DEPDC5: variants seen among roughly 807,000 people sequenced by gnomAD.
DEPDC5 encodes GATOR1 complex protein DEPDC5.
Under a neutral mutation model 217.3 loss-of-function variants are expected in DEPDC5, and 73 were observed. The ratio of observed to expected loss-of-function variants is 0.34; its 90% CI spans 0.28 to 0.41. DEPDC5 has a LOEUF of 0.41. DEPDC5 is among the 10% of genes least tolerant of loss of function. The probability of loss-of-function intolerance (pLI) is 1.00; values close to 1 mark genes in which losing one functional copy is unlikely to be tolerated. For synonymous variants in DEPDC5, 733 were observed against 756.7 expected, an observed-to-expected ratio of 0.97 and a Z score of 0.51; for missense variants, 1,675 against 2,070.1, an observed-to-expected ratio of 0.81 and a Z score of 3.70.
At chr22:31,808,406 G>A (rs531835447) in intron 18 of DEPDC5, among the ~76,000 whole-genome samples, 1 of 151,858 alleles carries the variant, frequency 6.6e-6, no homozygotes, top group South Asian at 2.1e-4. Context: ...GATTACAGGT[G>A]TGCGCCACCA....
chr22:31,852,022 C>G (rs2092053954), intron 31 of DEPDC5, among the ~76,000 whole-genome samples: 1 of 152,088 alleles, frequency 6.6e-6, no homozygotes, highest in Non-Finnish European at 1.5e-5. Flanking sequence ...GAGACCCCAT[C>G]TCTACAAAAA....
chr22:31,902,121 A>T (rs973787822), intron 41 of DEPDC5, among the ~76,000 whole-genome samples: 19 of 152,182 alleles, frequency 1.2e-4, no homozygotes, highest in African/African-American at 4.3e-4. Context: ...ATGAAAAATT[A>T]AAAAATGTGT....
intron 8 of DEPDC5, among the ~76,000 whole-genome samples, chr22:31,781,952 G>A (rs1203728572): frequency 6.6e-6 from 1 of 151,990 alleles, no homozygotes; most frequent in Non-Finnish European, 1.5e-5. Context: ...GATCACTTGA[G>A]CCCAGGAGTT....
chr22:31,879,308 C>T (rs2093108784), intron 37 of DEPDC5, among the ~76,000 whole-genome samples: 1 of 151,854 alleles, frequency 6.6e-6, no homozygotes, highest in Non-Finnish European at 1.5e-5. Context: ...CACCTTCCAA[C>T]TCCTCCTCCC....
rs1064794532 is a variant in DEPDC5 at position 31,906,277 on chromosome 22, C to T, written c.4592C>T (p.Thr1531Ile). The T allele has an allele frequency of 6.2e-6, 10 of 1,613,800 alleles. No individual in the cohort carries two copies. The highest frequency in any genetic ancestry group is 6.8e-6 in the Non-Finnish European group (8 of 1,179,942). ...CAGCAGCGGCGGCGGCGGAACTCCA[C>T]CAGCTCCACCAACCAGAACATGTTC... ...SGQQRRRRNSTSSTNQNMFCE... is the reference protein window; with the variant it reads ...SGQQRRRRNSISSTNQNMFCE... The change falls in exon 43 of 43, where the codon ACC becomes ATC. Residue 1531 changes from threonine to isoleucine, a missense_variant. By Grantham distance (89) the Thr-to-Ile change is moderately conservative (BLOSUM62 -1). Transcript: ENST00000651528. The surrounding 1 kb of genome is among the most constrained non-coding windows in gnomAD (Gnocchi z 5.1).
intron 40 of DEPDC5, among the ~76,000 whole-genome samples, chr22:31,899,406 T>C (rs928091773): frequency 9.9e-5 from 15 of 152,150 alleles, no homozygotes; most frequent in Admixed American, 9.2e-4. Context: ...TTTTTCTTTT[T>C]GTGACGTAGT....
intron 18 of DEPDC5, 92 bp from the exon 19 acceptor site, chr22:31,809,519 C>T: frequency 7.1e-7 from 1 of 1,404,762 alleles, no homozygotes; most frequent in South Asian, 1.2e-5. Context: ...TACAGGCTGT[C>T]TTCCCTGGGA....
At chr22:31,770,814 C>G (rs2083285347) in intron 7 of DEPDC5, among the ~76,000 whole-genome samples, 1 of 129,260 alleles carries the variant, frequency 7.7e-6, no homozygotes, top group African/African-American at 2.9e-5. Flanking sequence ...TTTTTTGAGA[C>G]AAAGTCTCAC....
Position 31,754,989 on chromosome 22 carries a change from G to A in DEPDC5, c.58+10G>A, listed in dbSNP as rs764108301. ...GGCTTTGGGGGCAGTGGTCAGTATC[G>A]ATTGGTCTTTAGAGGTTTTGTAAGT... On this transcript the variant is annotated intron_variant, in intron 2 of 42. Transcript: ENST00000651528. 1.1e-5 allele frequency: 17 copies of A among 1,614,022 alleles called. No homozygotes were observed. The highest frequency in any genetic ancestry group is 1.6e-4 in the Middle Eastern group (1 of 6,084).
chr22:31,828,753 T>G (rs1481554373), intron 24 of DEPDC5, among the ~76,000 whole-genome samples: 1 of 152,188 alleles, frequency 6.6e-6, no homozygotes, highest in Non-Finnish European at 1.5e-5. Context: ...GAAAAGTGTA[T>G]TGAACTCTAG....
At chr22:31,895,441 C>G (rs2093532824) in intron 39 of DEPDC5, among the ~76,000 whole-genome samples, 1 of 152,190 alleles carries the variant, frequency 6.6e-6, no homozygotes, top group African/African-American at 2.4e-5. Context: ...CATCGCAGTG[C>G]TCACTCCTTA....
chr22:31,901,356 A>G (rs2093645776), intron 40 of DEPDC5, among the ~76,000 whole-genome samples: 1 of 152,144 alleles, frequency 6.6e-6, no homozygotes, highest in South Asian at 2.1e-4. Flanking sequence ...GGCTTCAGTG[A>G]GCTATGACCA....
At chr22:31,830,849 A>G (rs2090548187) in intron 24 of DEPDC5, among the ~76,000 whole-genome samples, 1 of 152,062 alleles carries the variant, frequency 6.6e-6, no homozygotes, top group African/African-American at 2.4e-5. Context: ...TAAAAACAAA[A>G]ACAGGTGATC....
intron 21 of DEPDC5, among the ~76,000 whole-genome samples, chr22:31,818,491 C>A (rs1012559097): frequency 2.0e-5 from 3 of 152,142 alleles, no homozygotes; most frequent in Non-Finnish European, 4.4e-5. Flanking sequence ...GGATTTGAAG[C>A]ATATAATTTC....
intron 3 of DEPDC5, among the ~76,000 whole-genome samples, chr22:31,759,392 G>A (rs2082198899): frequency 1.5e-5 from 2 of 131,450 alleles, no homozygotes. Flanking sequence ...TGTTTTTTTT[G>A]AGATGAAATC....
chr22:31,904,356 C>G (rs1429182151), intron 41 of DEPDC5, among the ~76,000 whole-genome samples: 5 of 151,960 alleles, frequency 3.3e-5, no homozygotes, highest in African/African-American at 4.8e-5. Flanking sequence ...TTCCTGGTGA[C>G]CTAAGGAAGA....
At chr22:31,799,007 TC>T (rs771636872) in intron 14 of DEPDC5, among the ~76,000 whole-genome samples, 1 of 152,040 alleles carries the variant, frequency 6.6e-6, no homozygotes, top group Non-Finnish European at 1.5e-5. Context: ...CTGCTGTCTT[TC>T]TCAAGAATCT....
intron 35 of DEPDC5, 128 bp from the exon 36 acceptor site, chr22:31,874,145 T>C: frequency 7.3e-7 from 1 of 1,363,284 alleles, no homozygotes. Context: ...AGTCTAGGAA[T>C]AGCATAGGGA....
At chr22:31,843,893 T>A in intron 29 of DEPDC5, 81 bp downstream of exon 29, 1 of 1,341,460 alleles carries the variant, frequency 7.5e-7, no homozygotes, top group Non-Finnish European at 1.0e-6. Context: ...TTCTGCCCTT[T>A]CTCTCTCTCT....
Sources: gnomAD v4.1 joint callset for allele counts (sites outside exome capture counted in the v4.1 genomes callset) on GRCh38, gnomAD v4.1.1 for gene constraint, Gnocchi (gnomAD v3.1) non-coding constraint, MANE v1.5 for transcripts, NCBI Gene and HGNC (gene_info 2026-07-23, HGNC 2026-07-21) for gene names.